Variants in FILIP1 observed in about 807,000 individuals in gnomAD.
The protein encoded by FILIP1 is filamin-A-interacting protein 1.
Under a neutral mutation model 102.1 loss-of-function variants are expected in FILIP1, and 61 were observed. That is an observed-to-expected ratio of 0.60 (90% CI 0.49 to 0.74). FILIP1 has a LOEUF of 0.74. Ranked by LOEUF, FILIP1 falls within the 30% of genes least tolerant of loss-of-function variation. The pLI, the probability that FILIP1 is intolerant of heterozygous loss-of-function variation, is 0.00. For synonymous variants in FILIP1, 491 were observed against 526.9 expected, an observed-to-expected ratio of 0.93 and a Z score of 0.93; for missense variants, 1,314 against 1,441.2, an observed-to-expected ratio of 0.91 and a Z score of 1.43.
chr6:75,365,905 C>T (rs1775313436), intron 2 of FILIP1: 1 of 152,144 alleles, frequency 6.6e-6, no homozygotes, highest in Non-Finnish European at 1.5e-5. Flanking sequence ...GCTGAGAAAG[C>T]CACTTTCATT....
At chr6:75,433,200 G>C (rs1185915058) in intron 1 of FILIP1, among the ~76,000 whole-genome samples, 1 of 152,158 alleles carries the variant, frequency 6.6e-6, no homozygotes, top group Non-Finnish European at 1.5e-5. Flanking sequence ...CCCAGTAATG[G>C]TATGGCTGGG....
At chr6:75,447,478 TGAAGA>T (rs1348481326) in intron 1 of FILIP1, among the ~76,000 whole-genome samples, 1 of 152,148 alleles carries the variant, frequency 6.6e-6, no homozygotes, top group African/African-American at 2.4e-5. Context: ...ACTGACTATT[TGAAGA>T]GAAGAGGAGA....
intron 2 of FILIP1, among the ~76,000 whole-genome samples, chr6:75,373,442 C>T (rs549108808): frequency 2.4e-4 from 37 of 152,214 alleles, no homozygotes; most frequent in African/African-American, 8.2e-4. Flanking sequence ...TTTTATATTA[C>T]ATATATTTTA....
intron 1 of FILIP1, chr6:75,473,713 C>T (rs1420897048): frequency 1.3e-5 from 2 of 152,092 alleles, no homozygotes; most frequent in Admixed American, 6.5e-5. Flanking sequence ...ACAATCTCTA[C>T]CAAATCTATA....
chr6:75,484,004 T>G (rs1455803229), intron 1 of FILIP1, among the ~76,000 whole-genome samples: 1 of 152,136 alleles, frequency 6.6e-6, no homozygotes, highest in Non-Finnish European at 1.5e-5. Flanking sequence ...TATTAGCTAC[T>G]TTATTGTTTA....
chr6:75,485,644 A>G (rs542342821), intron 1 of FILIP1, among the ~76,000 whole-genome samples: 1 of 152,180 alleles, frequency 6.6e-6, no homozygotes, highest in Non-Finnish European at 1.5e-5. Flanking sequence ...CTGAAAGTTA[A>G]ATGCCAGAAA....
At chr6:75,405,804 G>A (rs1235074510) in intron 2 of FILIP1, among the ~76,000 whole-genome samples, 2 of 152,192 alleles carry the variant, frequency 1.3e-5, no homozygotes, top group East Asian at 3.9e-4. Context: ...GGTAATGACA[G>A]AGCAGACAAT....
intron 4 of FILIP1, among the ~76,000 whole-genome samples, chr6:75,340,416 T>C (rs1163044246): frequency 5.3e-5 from 8 of 152,178 alleles, no homozygotes; most frequent in Admixed American, 5.2e-4. Context: ...AAATAAAGTA[T>C]AGGAGCCATA....
intron 2 of FILIP1, among the ~76,000 whole-genome samples, chr6:75,371,199 G>C (rs757367312): frequency 5.3e-5 from 8 of 152,090 alleles, no homozygotes; most frequent in Non-Finnish European, 1.0e-4. Flanking sequence ...TAGGTTACAG[G>C]GCCACTGGGG....
chr6:75,301,345 T>C (rs777219532), intron 6 of FILIP1, among the ~76,000 whole-genome samples: 2 of 152,228 alleles, frequency 1.3e-5, no homozygotes, highest in Non-Finnish European at 2.9e-5. Context: ...AGTAGTTTCA[T>C]CATATGAAAT....
intron 1 of FILIP1, among the ~76,000 whole-genome samples, chr6:75,462,809 C>T (rs1445050144): frequency 2.6e-5 from 4 of 152,146 alleles, no homozygotes; most frequent in Non-Finnish European, 4.4e-5. Context: ...AAGCTGCCCC[C>T]ATCCCTTTAC....
intron 1 of FILIP1, among the ~76,000 whole-genome samples, chr6:75,451,432 T>A (rs2149735638): frequency 6.6e-6 from 1 of 151,828 alleles, no homozygotes; most frequent in East Asian, 1.9e-4. Flanking sequence ...ATAAACAAAT[T>A]TCTACTCTAA....
Position 75,394,461 on chromosome 6 carries a change from G to T in FILIP1, c.276+20236C>A, listed in dbSNP as rs541109327. ...ACTAATAATAGTAATAATAAATTCT[G>T]CATAACAAAAAGTGCCAAAAGTGAA... On this transcript the variant is annotated intron_variant, in intron 2 of 5. Transcript: ENST00000237172. Among the ~76,000 whole-genome samples the T allele has an allele frequency of 1.4e-4, 21 of 152,028 alleles. No individual in the cohort carries two copies. The South Asian group carries it at 4.2e-3, about 30-fold the overall frequency.
chr6:75,345,482 C>G (rs562184980), intron 4 of FILIP1, among the ~76,000 whole-genome samples: 1 of 152,034 alleles, frequency 6.6e-6, no homozygotes, highest in Non-Finnish European at 1.5e-5. Flanking sequence ...TGGGACTAGG[C>G]CTGTTCAAAA....
At chr6:75,483,681 A>G (rs1374917913) in intron 1 of FILIP1, among the ~76,000 whole-genome samples, 2 of 152,156 alleles carry the variant, frequency 1.3e-5, no homozygotes, top group East Asian at 1.9e-4. Context: ...GTCAAACAGA[A>G]AGCCCAGTTA....
chr6:75,387,785 C>T (rs1424833385), intron 2 of FILIP1, among the ~76,000 whole-genome samples: 2 of 151,954 alleles, frequency 1.3e-5, no homozygotes, highest in South Asian at 2.1e-4. Flanking sequence ...GATATTAGTC[C>T]TTCGTGAGAT....
At chr6:75,316,475 G>C (rs570537345) in intron 4 of FILIP1, among the ~76,000 whole-genome samples, 43 of 151,598 alleles carry the variant, frequency 2.8e-4, no homozygotes, top group Non-Finnish European at 5.9e-4. Flanking sequence ...TCATTGCATT[G>C]TGTAAGAAAT....
intron 2 of FILIP1, among the ~76,000 whole-genome samples, chr6:75,412,749 G>C (rs1777122233): frequency 6.6e-6 from 1 of 152,068 alleles, no homozygotes; most frequent in African/African-American, 2.4e-5. Context: ...AAGGACATAT[G>C]TTTATATATA....
chr6:75,326,263 T>A (rs1023806847), intron 4 of FILIP1, among the ~76,000 whole-genome samples: 6 of 152,138 alleles, frequency 3.9e-5, no homozygotes, highest in Admixed American at 3.9e-4. Context: ...AAACCAAATA[T>A]CATATGTTCT....
Sources: gnomAD v4.1 joint callset for allele counts (sites outside exome capture counted in the v4.1 genomes callset) on GRCh38, gnomAD v4.1.1 for gene constraint, MANE v1.5 for transcripts, NCBI Gene and HGNC (gene_info 2026-07-23, HGNC 2026-07-21) for gene names.